Variants in PTPRJ observed in about 807,000 individuals in gnomAD.
PTPRJ encodes receptor-type tyrosine-protein phosphatase eta.
Under a neutral mutation model 141.3 loss-of-function variants are expected in PTPRJ, and 129 were observed. The observed-to-expected ratio is 0.91, with a 90% CI of 0.79 to 1.06. The LOEUF is 1.06. Among genes scored for constraint, PTPRJ ranks in the 50% least tolerant of loss-of-function variants. The pLI, the probability that PTPRJ is intolerant of heterozygous loss-of-function variation, is 0.00. For missense variants in PTPRJ, 1,601 were observed against 1,679.7 expected, an observed-to-expected ratio of 0.95 and a Z score of 0.82; for synonymous variants, 610 against 640.5, an observed-to-expected ratio of 0.95 and a Z score of 0.72.
chr11:47,984,749 G>A (rs1273500805), intron 1 of PTPRJ, among the ~76,000 whole-genome samples: 1 of 152,034 alleles, frequency 6.6e-6, no homozygotes, highest in Non-Finnish European at 1.5e-5. Flanking sequence ...AGTAGAGATG[G>A]GGTTTCACCA....
At chr11:48,135,943 A>G in intron 8 of PTPRJ, 96 bp from the exon 9 acceptor site, 1 of 1,410,318 alleles carries the variant, frequency 7.1e-7, no homozygotes, top group Non-Finnish European at 9.7e-7. Context: ...AGAAAGCGTA[A>G]TGGCAAAAGA....
At chr11:48,032,285 C>T (rs1255116287) in intron 1 of PTPRJ, among the ~76,000 whole-genome samples, 4 of 152,200 alleles carry the variant, frequency 2.6e-5, no homozygotes, top group Non-Finnish European at 5.9e-5. Context: ...TGAAACACAA[C>T]ATCAATGGGG....
Position 48,130,587 on chromosome 11 carries a change from G to A in PTPRJ, c.1486G>A (p.Val496Ile). ...ITQEGAGNSR[V>I]EITTNQSIII... ...ACAGGAGGGAGCTGGCAATTCTCGG[G>A]TAGAAATAACCACCAACCAAAGTAT... The change falls in exon 8 of 25, where the codon GTA (valine) becomes ATA (isoleucine). Residue 496 changes from valine to isoleucine, a missense_variant. Val to Ile is a conservative substitution (Grantham distance 29). Transcript: ENST00000418331. 1 of 1,614,050 alleles carries A rather than the reference G, an allele frequency of 6.2e-7. No individual in the cohort carries two copies. Among genetic ancestry groups the A allele is most frequent in the East Asian group, 2.2e-5 (1 of 44,860 alleles).
chr11:48,114,532 G>A (rs1856518661), intron 3 of PTPRJ, among the ~76,000 whole-genome samples: 1 of 151,276 alleles, frequency 6.6e-6, no homozygotes, highest in Admixed American at 6.6e-5. Context: ...CATACCAGAT[G>A]GTCTTCCCAG....
chr11:48,130,612 T>G lies in PTPRJ; in HGVS notation c.1511T>G (p.Ile504Ser). 6.2e-7 allele frequency: 1 copy of G among 1,613,910 alleles called. No individual in the cohort carries two copies. The highest frequency in any genetic ancestry group is 8.5e-7 in the Non-Finnish European group (1 of 1,179,902). Reference sequence around the variant, plus strand: ...GTAGAAATAACCACCAACCAAAGTATTATCATTGGTGGCTTGTTCCCTGGA... The same window carrying G: ...GTAGAAATAACCACCAACCAAAGTAGTATCATTGGTGGCTTGTTCCCTGGA... ...SRVEITTNQS[I>S]IIGGLFPGTK... is the part of the protein sequence containing the mutation. The change falls in exon 8 of 25, where the codon ATT (isoleucine) becomes AGT (serine). Residue 504 changes from isoleucine to serine, a missense_variant. Coordinates refer to ENST00000418331, the MANE Select transcript of PTPRJ (RefSeq NM_002843.4).
chr11:47,985,490 C>G (rs560917999), intron 1 of PTPRJ, among the ~76,000 whole-genome samples: 1 of 152,114 alleles, frequency 6.6e-6, no homozygotes, highest in African/African-American at 2.4e-5. Context: ...CAGAACTTAA[C>G]TGTATACTTC....
rs1221531534 is a variant in PTPRJ, at chr11:48,167,498, G to A, written c.*136G>A. On this transcript the variant is annotated 3_prime_UTR_variant, in exon 25 of 25. Coordinates refer to ENST00000418331, the MANE Select transcript of PTPRJ (RefSeq NM_002843.4). ...TGTTTTGTGAGAACTAATTTTGAGG[G>A]CATGAAGCTGCATATGATAGATGAC... 1 of 1,024,742 alleles carries A rather than the reference G, an allele frequency of 9.8e-7. No homozygotes were observed. The highest frequency in any genetic ancestry group is 1.6e-5 in the African/African-American group (1 of 61,094). The allele number at this position is 1,024,742 out of a possible 1,614,324, so 63.5% of individuals were successfully genotyped here.
intron 16 of PTPRJ, chr11:48,149,692 C>T: frequency 1.9e-6 from 1 of 535,726 alleles, no homozygotes; most frequent in Non-Finnish European, 3.2e-6. Flanking sequence ...TTGTCATGTT[C>T]TACTCTTCTA....
Position 48,146,907 on chromosome 11 carries a change from C to G in PTPRJ, c.2943C>G (p.Ile981Met). Reference sequence around the variant, plus strand: ...TCTGTGGAGCGGTTTTTGGCTGTATCTTTGGTGCCCTGGTTATTGTGACTG... The same window carrying G: ...TCTGTGGAGCGGTTTTTGGCTGTATGTTTGGTGCCCTGGTTATTGTGACTG... The part of the protein sequence containing the change: ...GVICGAVFGC[I>M]FGALVIVTVG... The change falls in exon 15 of 25, where the codon ATC becomes ATG. Residue 981 changes from isoleucine to methionine, a missense_variant. Transcript: ENST00000418331. The G allele has an allele frequency of 3.7e-6, 6 of 1,614,100 alleles. No individual in the cohort carries two copies. Among genetic ancestry groups the G allele is most frequent in the Non-Finnish European group, 5.1e-6 (6 of 1,180,010 alleles).
chr11:48,148,729 C>T (rs529056028), intron 15 of PTPRJ, among the ~76,000 whole-genome samples: 91 of 152,308 alleles, frequency 6.0e-4, no homozygotes, highest in African/African-American at 2.1e-3. Flanking sequence ...GCCACCGTGC[C>T]TGGCTCATTT....
In PTPRJ at chr11:47,990,560, C is replaced by T. The variant is rs563289577; in HGVS notation, c.96+9552C>T. On this transcript the variant is annotated intron_variant, in intron 1 of 24. Coordinates refer to ENST00000418331, the MANE Select transcript of PTPRJ (RefSeq NM_002843.4). ...GCCTCAGCCTGGGATTACAAGCATG[C>T]GCCACCATGCCTGGCTAATTTTTGT... 5.9e-5 allele frequency among the ~76,000 whole-genome samples: 9 copies of T among 152,066 alleles called. No homozygotes were observed. In the South Asian group the frequency reaches 6.2e-4, roughly 11 times the overall value.
chr11:48,160,479 G>A (rs964954341), intron 22 of PTPRJ, among the ~76,000 whole-genome samples: 2 of 152,188 alleles, frequency 1.3e-5, no homozygotes, highest in Non-Finnish European at 2.9e-5. Context: ...TATGCACATG[G>A]CCTTCCTTCC....
chr11:48,106,527 G>C (rs139710567), intron 1 of PTPRJ, among the ~76,000 whole-genome samples: 34 of 152,270 alleles, frequency 2.2e-4, no homozygotes, highest in African/African-American at 7.7e-4. Context: ...GAAGCAGAGG[G>C]AAGAACCAGA....
At chr11:48,073,353 C>A (rs1322879241) in intron 1 of PTPRJ, among the ~76,000 whole-genome samples, 1 of 152,224 alleles carries the variant, frequency 6.6e-6, no homozygotes, top group Non-Finnish European at 1.5e-5. Flanking sequence ...GTGATGGTGA[C>A]CTTGTTTAGC....
intron 8 of PTPRJ, among the ~76,000 whole-genome samples, chr11:48,135,739 A>G (rs1857086631): frequency 6.6e-6 from 1 of 152,118 alleles, no homozygotes. Context: ...CGGCTTCCCA[A>G]AATGTTGGGA....
chr11:48,121,259 C>T lies in PTPRJ; in HGVS notation c.609C>T (p.Val203=), dbSNP rs550891330. 1 of 1,613,780 alleles carries T rather than the reference C, an allele frequency of 6.2e-7. No individual in the cohort carries two copies. The highest frequency in any genetic ancestry group is 1.3e-5 in the African/African-American group (1 of 75,046). Residue 203 remains valine, a synonymous_variant, in exon 4 of 25, where the codon GTC becomes GTT. Transcript: ENST00000418331. Reference sequence around the variant, plus strand: ...GGGGAGATCCCAGAGTCATAAAAGTCATCACAGGTAAGATGACTGGCTCCC... The same window carrying T: ...GGGGAGATCCCAGAGTCATAAAAGTTATCACAGGTAAGATGACTGGCTCCC... The part of the protein sequence containing the change: ...ETWGDPRVIK[V]ITEPIPVSDL...
At chr11:48,141,025 T>C (rs1437386106) in intron 11 of PTPRJ, among the ~76,000 whole-genome samples, 3 of 152,160 alleles carry the variant, frequency 2.0e-5, no homozygotes, top group African/African-American at 7.2e-5. Context: ...TTCTGTCTCC[T>C]TGAATCTTGA....
chr11:48,153,944 T>G, intron 19 of PTPRJ, 58 bp downstream of exon 19: 120 of 1,192,126 alleles, frequency 1.0e-4, no homozygotes, highest in Middle Eastern at 1.9e-4. Flanking sequence ...ATCACATCTC[T>G]AAGTGTAGAG....
chr11:48,055,631 G>T (rs539461037), intron 1 of PTPRJ, among the ~76,000 whole-genome samples: 1 of 152,162 alleles, frequency 6.6e-6, no homozygotes, highest in Non-Finnish European at 1.5e-5. Context: ...TAGCTTCCAA[G>T]GCATACTGAC....
Sources: gnomAD v4.1 joint callset for allele counts (sites outside exome capture counted in the v4.1 genomes callset) on GRCh38, gnomAD v4.1.1 for gene constraint, MANE v1.5 for transcripts, NCBI Gene and HGNC (gene_info 2026-07-23, HGNC 2026-07-21) for gene names.